Variants in HDX observed in about 807,000 individuals in gnomAD.
HDX encodes chromosome X open reading frame 43.
HDX carries 19 observed loss-of-function variants against 45.2 expected under a neutral mutation model. The ratio of observed to expected loss-of-function variants is 0.42; its 90% CI spans 0.29 to 0.62. The LOEUF (loss-of-function observed/expected upper bound fraction) is 0.62, where lower values mean the gene tolerates loss of function less well. Ranked by LOEUF, HDX falls within the 20% of genes least tolerant of loss-of-function variation. The pLI is 0.20. For synonymous variants in HDX, 188 were observed against 172.8 expected (o/e 1.09, Z -0.69); for missense variants, 532 against 493.9 (o/e 1.08, Z -0.73).
chrX:84,373,335 T>C (rs149513489), intron 5 of HDX, among the ~76,000 whole-genome samples: 195 of 110,845 alleles, frequency 1.8e-3, no homozygotes, highest in South Asian at 3.5e-3. Flanking sequence ...GTTCAGAGTC[T>C]TGGCACATTG....
chrX:84,484,714 C>T (rs2040754566), intron 2 of HDX, among the ~76,000 whole-genome samples: 1 of 111,824 alleles, frequency 8.9e-6, no homozygotes, highest in African/African-American at 3.3e-5. Flanking sequence ...TTAAAAATAG[C>T]CATTTTGACT....
chrX:84,437,083 G>A (rs1465335180), intron 5 of HDX, among the ~76,000 whole-genome samples: 1 of 110,821 alleles, frequency 9.0e-6, no homozygotes, highest in African/African-American at 3.3e-5. Flanking sequence ...CACCTGTAGA[G>A]ATATGCATAG....
intron 1 of HDX, among the ~76,000 whole-genome samples, chrX:84,498,427 A>G (rs903373674): frequency 2.7e-5 from 3 of 111,602 alleles, no homozygotes; most frequent in South Asian, 3.7e-4. Flanking sequence ...TATGCATAAT[A>G]TATCTCTAGA....
At chrX:84,451,913 G>T (rs1465826598) in intron 4 of HDX, among the ~76,000 whole-genome samples, 2 of 111,386 alleles carry the variant, frequency 1.8e-5, no homozygotes, top group Non-Finnish European at 3.8e-5. Flanking sequence ...TCAATAAAAT[G>T]AAGGACAAAA....
chrX:84,367,842 A>G (rs1356041386), intron 5 of HDX, among the ~76,000 whole-genome samples: 1 of 111,373 alleles, frequency 9.0e-6, no homozygotes, highest in Admixed American at 9.5e-5. Context: ...CACACCACTG[A>G]GGCCTGTTGG....
chrX:84,373,546 A>C (rs998849376), intron 5 of HDX, among the ~76,000 whole-genome samples: 1 of 110,662 alleles, frequency 9.0e-6, no homozygotes, highest in Non-Finnish European at 1.9e-5. Context: ...CAGCTCATCA[A>C]AAAGCTTATC....
intron 8 of HDX, among the ~76,000 whole-genome samples, chrX:84,336,078 CA>C (rs776391141): frequency 4.3e-4 from 47 of 110,136 alleles, no homozygotes; most frequent in Non-Finnish European, 2.5e-4. Flanking sequence ...AAAGCAAAAA[CA>C]AAAGGACAAT....
chrX:84,417,690 T>C (rs1193370937), intron 5 of HDX, among the ~76,000 whole-genome samples: 1 of 111,905 alleles, frequency 8.9e-6, no homozygotes, highest in African/African-American at 3.3e-5. Context: ...CTGAGGTCTG[T>C]TCTCCAAGAG....
intron 4 of HDX, among the ~76,000 whole-genome samples, chrX:84,461,346 G>A (rs2040233556): frequency 9.0e-6 from 1 of 110,500 alleles, no homozygotes; most frequent in African/African-American, 3.3e-5. Flanking sequence ...GAAACAGAAT[G>A]GAGAACCCAG....
chrX:84,446,528 T>C (rs768297454), intron 4 of HDX, among the ~76,000 whole-genome samples: 89 of 111,643 alleles, frequency 8.0e-4, no homozygotes, highest in African/African-American at 2.4e-3. Context: ...GATAGGTTTT[T>C]AAAATAAATC....
At chrX:84,368,567 G>C (rs2037816897) in intron 5 of HDX, among the ~76,000 whole-genome samples, 1 of 111,864 alleles carries the variant, frequency 8.9e-6, no homozygotes, top group South Asian at 3.7e-4. Flanking sequence ...TTTGACTGAT[G>C]TATTTTTCAA....
At chrX:84,369,850 T>A (rs68167170) in intron 5 of HDX, among the ~76,000 whole-genome samples, 1 of 111,496 alleles carries the variant, frequency 9.0e-6, no homozygotes, top group Non-Finnish European at 1.9e-5. Flanking sequence ...GATATTAACA[T>A]CCTTCAATAA....
intron 1 of HDX, among the ~76,000 whole-genome samples, chrX:84,493,721 A>G (rs2040941502): frequency 8.9e-6 from 1 of 112,125 alleles, no homozygotes; most frequent in African/African-American, 3.2e-5. Context: ...TGTTCAAATA[A>G]TATACACCTA....
At chrX:84,466,590 T>A (rs1366472664) in intron 4 of HDX, among the ~76,000 whole-genome samples, 1 of 112,118 alleles carries the variant, frequency 8.9e-6, no homozygotes, top group Non-Finnish European at 1.9e-5. Flanking sequence ...TTTTAAAAAA[T>A]TGTTTCTTTA....
chrX:84,381,958 G>A (rs2038199055), intron 5 of HDX, among the ~76,000 whole-genome samples: 1 of 110,330 alleles, frequency 9.1e-6, no homozygotes, highest in Non-Finnish European at 1.9e-5. Flanking sequence ...ATCTGACAAG[G>A]GATTAATAAC....
chrX:84,392,121 T>A (rs1013607276), intron 5 of HDX, among the ~76,000 whole-genome samples: 5 of 111,905 alleles, frequency 4.5e-5, no homozygotes, highest in African/African-American at 1.3e-4. Context: ...TTCACTTTCA[T>A]TCTTTTGCAT....
chrX:84,381,384 G>C (rs1264920247), intron 5 of HDX, among the ~76,000 whole-genome samples: 1 of 110,489 alleles, frequency 9.1e-6, no homozygotes, highest in African/African-American at 3.3e-5. Context: ...ACCCAGAATA[G>C]CCAAAGCTAT....
At chrX:84,434,433 G>C (rs1680072553) in intron 5 of HDX, among the ~76,000 whole-genome samples, 1 of 111,419 alleles carries the variant, frequency 9.0e-6, no homozygotes, top group Non-Finnish European at 1.9e-5. Flanking sequence ...CATCTATTGA[G>C]ATAATGTTTT....
At chrX:84,491,921 C>T (rs1243070785) in intron 1 of HDX, among the ~76,000 whole-genome samples, 3 of 111,545 alleles carry the variant, frequency 2.7e-5, no homozygotes, top group Non-Finnish European at 5.6e-5. Flanking sequence ...TCTCTGTCCT[C>T]ATCAGTTTCA....
Sources: allele counts gnomAD v4.1 joint callset (sites outside exome capture counted in the v4.1 genomes callset), GRCh38; gene constraint gnomAD v4.1.1; transcripts MANE v1.5; gene names NCBI Gene and HGNC (gene_info 2026-07-23, HGNC 2026-07-21).